Variants in MCEMP1 observed in about 807,000 individuals in gnomAD.
The protein encoded by MCEMP1 is mast cell-expressed membrane protein 1.
In MCEMP1, 17 loss-of-function variants were observed where a neutral mutation model predicts 27.9. That is an observed-to-expected ratio of 0.61 (90% CI 0.42 to 0.91). MCEMP1 has a LOEUF of 0.91. Among genes scored for constraint, MCEMP1 ranks in the 40% least tolerant of loss-of-function variants. MCEMP1 has a pLI of 0.00. For synonymous variants in MCEMP1, 88 were observed against 76.9 expected (o/e 1.14, Z -0.76); for missense variants, 200 against 204.8 (o/e 0.98, Z 0.14).
In MCEMP1 at chr19:7,677,801, G is replaced by C. The variant is rs757244477; in HGVS notation, c.145+75G>C. Reference sequence around the variant, plus strand: ...GTGGGCGGGCAACTGCAGGGCCCCCGGGGCTGCGTGGAAGGGAGGAAGCGA... The same window carrying C: ...GTGGGCGGGCAACTGCAGGGCCCCCCGGGCTGCGTGGAAGGGAGGAAGCGA... On this transcript the variant is annotated intron_variant, in intron 2 of 6. Transcript: ENST00000333598. This position sits in a 1 kb window ranked among gnomAD's most constrained non-coding sequence, Gnocchi z 4.6. 1 of 1,377,898 alleles carries C rather than the reference G, an allele frequency of 7.3e-7. No homozygotes were observed. The highest frequency in any genetic ancestry group is 9.9e-7 in the Non-Finnish European group (1 of 1,010,788). The allele number at this position is 1,377,898 out of a possible 1,614,324, so 85.4% of individuals were successfully genotyped here. A position where few individuals can be genotyped will look rare whatever the true frequency, so the allele number is the denominator to read the frequency against.
At position 7,678,270 on chromosome 19, in the gene MCEMP1, G is replaced by T. The variant is rs955317321; in HGVS notation, c.283+29G>T. On this transcript the variant is annotated intron_variant, in intron 3 of 6. Coordinates refer to ENST00000333598, the MANE Select transcript of MCEMP1 (RefSeq NM_174918.3). The surrounding 1 kb of genome is among the most constrained non-coding windows in gnomAD (Gnocchi z 4.8). ...AGTACTTCTTGGGAGGAGGGTGCTGGGGGGCCTAGACTTTCTCCCTTGTCC... is the reference window on the plus strand; with the variant it reads ...AGTACTTCTTGGGAGGAGGGTGCTGTGGGGCCTAGACTTTCTCCCTTGTCC... 6.2e-7 allele frequency: 1 copy of T among 1,613,940 alleles called. No homozygotes were observed. Among genetic ancestry groups the T allele is most frequent in the Non-Finnish European group, 8.5e-7 (1 of 1,179,948 alleles).
chr19:7,678,126 C>G lies in MCEMP1; in HGVS notation c.168C>G (p.Pro56=). ...CAGTCCCAGCCCAGTGCAGGCCGCC[C>G]TCAGACTCCACCCAGGTCCCCTGCT... ...TSQVPAQCRP[P]SDSTQVPCWL... is the part of the protein sequence containing the mutation. The change falls in exon 3 of 7, where the codon CCC becomes CCG. Residue 56 remains proline, a synonymous_variant. Coordinates refer to ENST00000333598, the MANE Select transcript of MCEMP1 (RefSeq NM_174918.3). The surrounding 1 kb of genome is among the most constrained non-coding windows in gnomAD (Gnocchi z 4.8). 1 of 1,610,858 alleles carries G rather than the reference C, an allele frequency of 6.2e-7. No homozygotes were observed. The highest frequency in any genetic ancestry group is 8.5e-7 in the Non-Finnish European group (1 of 1,178,538).
chr19:7,677,741 A>T lies in MCEMP1; in HGVS notation c.145+15A>T, dbSNP rs1240469860. ...CACGAGCCAAGGTGAGCAGACACCCACCTGCTCACATCCCATCACCTTGGG... is the reference window on the plus strand; with the variant it reads ...CACGAGCCAAGGTGAGCAGACACCCTCCTGCTCACATCCCATCACCTTGGG... On this transcript the variant is annotated intron_variant, in intron 2 of 6. Coordinates refer to ENST00000333598, the MANE Select transcript of MCEMP1 (RefSeq NM_174918.3). This position sits in a 1 kb window ranked among gnomAD's most constrained non-coding sequence, Gnocchi z 4.6. The T allele has an allele frequency of 6.3e-7, 1 of 1,583,868 alleles. No homozygotes were observed. Among genetic ancestry groups the T allele is most frequent in the East Asian group, 2.2e-5 (1 of 44,748 alleles).
Position 7,677,128 on chromosome 19 carries a change from C to A in MCEMP1, c.8C>A (p.Ala3Glu). The A allele has an allele frequency of 1.2e-6, 2 of 1,600,158 alleles. No individual in the cohort carries two copies. Among genetic ancestry groups the A allele is most frequent in the Admixed American group, 1.7e-5 (1 of 58,372 alleles). ...AAGCACCAGGAAGTCAAGATGCAAG[C>A]ACCAGCCTTCAGGGACAAGAAACAG... The part of the protein sequence containing the change: MQ[A>E]PAFRDKKQGV... The change falls in exon 1 of 7, where the codon GCA becomes GAA. Residue 3 changes from alanine to glutamate, a missense_variant. Physicochemically the swap from Ala to Glu is moderately radical, Grantham distance 107 (BLOSUM62 -1). Coordinates refer to ENST00000333598, the MANE Select transcript of MCEMP1 (RefSeq NM_174918.3). The surrounding 1 kb of genome is among the most constrained non-coding windows in gnomAD (Gnocchi z 4.6).
In MCEMP1 at chr19:7,679,693, G is replaced by A. The variant is rs978473566; in HGVS notation, c.*579G>A. 1.3e-5 allele frequency: 2 copies of A among 152,856 alleles called. No homozygotes were observed. The highest frequency in any genetic ancestry group is 4.8e-5 in the African/African-American group (2 of 41,436). The allele number at this position is 152,856 out of a possible 1,614,324, so 9.5% of individuals were successfully genotyped here. ...CCATGTGTGCCCTGTCACTATCTGT[G>A]GCTGGGTGAACGGCTGTGTCATTAT... On this transcript the variant is annotated 3_prime_UTR_variant, in exon 7 of 7. Transcript: ENST00000333598. The surrounding 1 kb of genome is among the most constrained non-coding windows in gnomAD (Gnocchi z 4.9).
chr19:7,678,953 A>G lies in MCEMP1; in HGVS notation c.478A>G (p.Lys160Glu). ...AAAAAACATTGACACAAAGGTACAGAAAATCTTGGAGGTGCTGCAGAAAAT... is the reference window on the plus strand; with the variant it reads ...AAAAAACATTGACACAAAGGTACAGGAAATCTTGGAGGTGCTGCAGAAAAT... Reference protein sequence around the residue: ...GIKNIDTKVQKILEVLQKMPQ... With the variant: ...GIKNIDTKVQEILEVLQKMPQ... The change falls in exon 6 of 7, where the codon AAA becomes GAA. Residue 160 changes from lysine (K) to glutamate (E), a missense_variant. By Grantham distance (56) the Lys-to-Glu change is moderately conservative. Transcript: ENST00000333598. This position sits in a 1 kb window ranked among gnomAD's most constrained non-coding sequence, Gnocchi z 4.8. 6.3e-7 allele frequency: 1 copy of G among 1,591,884 alleles called. No individual in the cohort carries two copies. Among genetic ancestry groups the G allele is most frequent in the Non-Finnish European group, 8.6e-7 (1 of 1,168,344 alleles).
In MCEMP1 at chr19:7,678,413, T is replaced by C; in HGVS notation, c.334+13T>C. ...GAGCTTTGGAATGGTGAGCGGAGGG[T>C]CTGAGGGAGACCCGTGGGGTCATGG... On this transcript the variant is annotated intron_variant, in intron 4 of 6. Transcript: ENST00000333598. The surrounding 1 kb of genome is among the most constrained non-coding windows in gnomAD (Gnocchi z 4.8). 1 of 1,613,596 alleles carries C rather than the reference T, an allele frequency of 6.2e-7. No individual in the cohort carries two copies.
chr19:7,679,142 C>G lies in MCEMP1; in HGVS notation c.*28C>G. ...GAGAGGACATTGTGGCAGCCAAAGC[C>G]ACAACTTGGAAGATGGGGCTGCACC... On this transcript the variant is annotated 3_prime_UTR_variant, in exon 7 of 7. Transcript: ENST00000333598. This position sits in a 1 kb window ranked among gnomAD's most constrained non-coding sequence, Gnocchi z 4.9. 6.3e-7 allele frequency: 1 copy of G among 1,578,202 alleles called. No homozygotes were observed. The highest frequency in any genetic ancestry group is 8.6e-7 in the Non-Finnish European group (1 of 1,159,764).
Position 7,677,667 on chromosome 19 carries a change from C to G in MCEMP1, c.86C>G (p.Thr29Ser). The G allele has an allele frequency of 6.2e-7, 1 of 1,613,914 alleles. No homozygotes were observed. Among genetic ancestry groups the G allele is most frequent in the Non-Finnish European group, 8.5e-7 (1 of 1,179,914 alleles). The change falls in exon 2 of 7, where the codon ACC (threonine) becomes AGC (serine). Residue 29 changes from threonine to serine, a missense_variant. Coordinates refer to ENST00000333598, the MANE Select transcript of MCEMP1 (RefSeq NM_174918.3). This position sits in a 1 kb window ranked among gnomAD's most constrained non-coding sequence, Gnocchi z 4.6. ...GAHDPDYENI[T>S]LAFKNQDHAK... is the part of the protein sequence containing the mutation. ...CATGACCCAGACTATGAGAATATCA[C>G]CTTGGCCTTCAAAAATCAGGACCAT...
At position 7,678,095 on chromosome 19, in the gene MCEMP1, T is replaced by A; in HGVS notation, c.146-9T>A. ...CCCTCAAGGTCACTTTGCTGCCTCT[T>A]TGCTCCAGTCCCAGCCCAGTGCAGG... On this transcript the variant is annotated splice_polypyrimidine_tract_variant and intron_variant, in intron 2 of 6. Coordinates refer to ENST00000333598, the MANE Select transcript of MCEMP1 (RefSeq NM_174918.3). This position sits in a 1 kb window ranked among gnomAD's most constrained non-coding sequence, Gnocchi z 4.8. The A allele has an allele frequency of 6.3e-7, 1 of 1,584,018 alleles. No homozygotes were observed. Among genetic ancestry groups the A allele is most frequent in the South Asian group, 1.2e-5 (1 of 86,258 alleles).
Position 7,678,704 on chromosome 19 carries a change from ACCC to A in MCEMP1, c.448+101_448+103del. ...CAGGGGAGGAGAAAGCCGGGGTCCT[ACCC>A]TCCCAAAGCTCAAGTTGTGGAGGGG... On this transcript the variant is annotated intron_variant, in intron 5 of 6. Coordinates refer to ENST00000333598, the MANE Select transcript of MCEMP1 (RefSeq NM_174918.3). The surrounding 1 kb of genome is among the most constrained non-coding windows in gnomAD (Gnocchi z 4.8). The A allele has an allele frequency of 7.9e-7, 1 of 1,273,884 alleles. No homozygotes were observed. The allele number at this position is 1,273,884 out of a possible 1,614,324, so 78.9% of individuals were successfully genotyped here.
rs2032566433 is a variant in MCEMP1, at chr19:7,677,501, A to G, written c.56-136A>G. The G allele has an allele frequency of 2.2e-6, 2 of 896,198 alleles. No individual in the cohort carries two copies. The highest frequency in any genetic ancestry group is 2.9e-5 in the South Asian group (2 of 68,664). 55.5% of individuals were successfully genotyped at this position (896,198 alleles called of 1,614,324 possible). ...TCTCACACACCCGCTCCACTTAACC[A>G]AAAAGCAGATTTTAGCTTCTCACTC... On this transcript the variant is annotated intron_variant, in intron 1 of 6. Coordinates refer to ENST00000333598, the MANE Select transcript of MCEMP1 (RefSeq NM_174918.3). The surrounding 1 kb of genome is among the most constrained non-coding windows in gnomAD (Gnocchi z 4.6).
chr19:7,678,540 T>A lies in MCEMP1; in HGVS notation c.384T>A (p.Asp128Glu). 6.2e-7 allele frequency: 1 copy of A among 1,614,090 alleles called. No individual in the cohort carries two copies. The highest frequency in any genetic ancestry group is 1.6e-4 in the Middle Eastern group (1 of 6,062). Residue 128 changes from aspartate to glutamate, a missense_variant, in exon 5 of 7, where the codon GAT (aspartate) becomes GAA (glutamate). Transcript: ENST00000333598. The surrounding 1 kb of genome is among the most constrained non-coding windows in gnomAD (Gnocchi z 4.8). ...ACEERQKRGW[D>E]SVQQSITMVR... is the part of the protein sequence containing the mutation. ...AAGAGAGACAGAAGAGAGGCTGGGA[T>A]TCCGTTCAGCAGAGCATCACCATGG...
Position 7,678,668 on chromosome 19 carries a change from G to C in MCEMP1, c.448+64G>C. 1 of 1,493,368 alleles carries C rather than the reference G, an allele frequency of 6.7e-7. No individual in the cohort carries two copies. The highest frequency in any genetic ancestry group is 9.3e-7 in the Non-Finnish European group (1 of 1,078,270). 92.5% of individuals were successfully genotyped at this position (1,493,368 alleles called of 1,614,324 possible). A position where few individuals can be genotyped will look rare whatever the true frequency, so the allele number is the denominator to read the frequency against. ...CACCAATGCCCGGAGCTGAGCTGGG[G>C]GCAGGGGATTCAGGGGAGGAGAAAG... On this transcript the variant is annotated intron_variant, in intron 5 of 6. Coordinates refer to ENST00000333598, the MANE Select transcript of MCEMP1 (RefSeq NM_174918.3). This position sits in a 1 kb window ranked among gnomAD's most constrained non-coding sequence, Gnocchi z 4.8.
At position 7,678,905 on chromosome 19, in the gene MCEMP1, A is replaced by ACACC; in HGVS notation, c.449-19_449-18insCACC. 2 of 686,218 alleles carry ACACC rather than the reference A, an allele frequency of 2.9e-6. No individual in the cohort carries two copies. The highest frequency in any genetic ancestry group is 4.8e-6 in the Non-Finnish European group (2 of 418,526). The allele number at this position is 686,218 out of a possible 1,614,324, so 42.5% of individuals were successfully genotyped here. ...CAGCTTGACTTATCTGTTCCCACCC[A>ACACC]ACCCTCCCCGCCCCCTAGGCATAAA... On this transcript the variant is annotated intron_variant, in intron 5 of 6. Coordinates refer to ENST00000333598, the MANE Select transcript of MCEMP1 (RefSeq NM_174918.3). This position sits in a 1 kb window ranked among gnomAD's most constrained non-coding sequence, Gnocchi z 4.8.
At position 7,678,385 on chromosome 19, in the gene MCEMP1, AG is replaced by A. The variant is rs2032576605; in HGVS notation, c.322del (p.Glu108SerfsTer37). On this transcript the variant is annotated frameshift_variant, in exon 4 of 7. Transcript: ENST00000333598. LOFTEE classifies it high-confidence loss of function. The surrounding 1 kb of genome is among the most constrained non-coding windows in gnomAD (Gnocchi z 4.8). ...GTCCAAGGAGCTGCTGGGCTTTAAA[AG>A]GGAGCTTTGGAATGGTGAGCGGAGG... ...EMSKELLGFK[R>X]ELWNVSNSVQ... The A allele has an allele frequency of 1.2e-6, 2 of 1,613,922 alleles. No individual in the cohort carries two copies. The highest frequency in any genetic ancestry group is 1.1e-5 in the South Asian group (1 of 91,082).
rs977118948 is a variant in MCEMP1 at position 7,679,192 on chromosome 19, C to A, written c.*78C>A. ...CTGCCAACGAAGACGGGAAATGACC[C>A]CCCCCCCCCAGCCTAGTGTGAACCT... On this transcript the variant is annotated 3_prime_UTR_variant, in exon 7 of 7. Coordinates refer to ENST00000333598, the MANE Select transcript of MCEMP1 (RefSeq NM_174918.3). This position sits in a 1 kb window ranked among gnomAD's most constrained non-coding sequence, Gnocchi z 4.9. 68 of 826,572 alleles carry A rather than the reference C, an allele frequency of 8.2e-5. 2 individuals are homozygous for A. In the Admixed American group the frequency reaches 2.5e-3, roughly 30 times the overall value. The allele number at this position is 826,572 out of a possible 1,614,324, so 51.2% of individuals were successfully genotyped here. A position where few individuals can be genotyped will look rare whatever the true frequency, so the allele number is the denominator to read the frequency against.
rs58349142 is a variant in MCEMP1 at position 7,679,196 on chromosome 19, C to G, written c.*82C>G. The G allele has an allele frequency of 3.0e-5, 43 of 1,424,568 alleles. No homozygotes were observed. The Admixed American group carries it at 5.4e-4, about 18-fold the overall frequency. 88.2% of individuals were successfully genotyped at this position (1,424,568 alleles called of 1,614,324 possible). On this transcript the variant is annotated 3_prime_UTR_variant, in exon 7 of 7. Transcript: ENST00000333598. This position sits in a 1 kb window ranked among gnomAD's most constrained non-coding sequence, Gnocchi z 4.9. ...CAACGAAGACGGGAAATGACCCCCC[C>G]CCCCCAGCCTAGTGTGAACCTGCCC...
In MCEMP1 at chr19:7,678,669, G is replaced by A. The variant is rs1039929808; in HGVS notation, c.448+65G>A. On this transcript the variant is annotated intron_variant, in intron 5 of 6. Transcript: ENST00000333598. The surrounding 1 kb of genome is among the most constrained non-coding windows in gnomAD (Gnocchi z 4.8). ...ACCAATGCCCGGAGCTGAGCTGGGGGCAGGGGATTCAGGGGAGGAGAAAGC... is the reference window on the plus strand; with the variant it reads ...ACCAATGCCCGGAGCTGAGCTGGGGACAGGGGATTCAGGGGAGGAGAAAGC... 3.4e-6 allele frequency: 5 copies of A among 1,489,140 alleles called. No homozygotes were observed. Among genetic ancestry groups the A allele is most frequent in the Middle Eastern group, 1.7e-4 (1 of 5,874 alleles). 92.2% of individuals were successfully genotyped at this position (1,489,140 alleles called of 1,614,324 possible).
Sources: gnomAD v4.1 joint callset for allele counts on GRCh38, gnomAD v4.1.1 for gene constraint, Gnocchi (gnomAD v3.1) non-coding constraint, MANE v1.5 for transcripts, NCBI Gene and HGNC (gene_info 2026-07-23, HGNC 2026-07-21) for gene names.